The following PLXNA2 variants were observed in gnomAD, a reference collection of about 807,000 sequenced individuals.
The protein encoded by PLXNA2 is plexin-A2.
In PLXNA2, 91 loss-of-function variants were observed where a neutral mutation model predicts 193.5. That is an observed-to-expected ratio of 0.47 (90% CI 0.40 to 0.56). PLXNA2 has a LOEUF of 0.56. Among genes scored for constraint, PLXNA2 ranks in the 20% least tolerant of loss-of-function variants. PLXNA2 has a pLI of 0.00. For synonymous variants in PLXNA2, 997 were observed against 1,027.3 expected, an observed-to-expected ratio of 0.97 and a Z score of 0.56; for missense variants, 1,995 against 2,503.2, an observed-to-expected ratio of 0.80 and a Z score of 4.33.
rs532752015 is a variant in PLXNA2 at position 208,128,628 on chromosome 1, T to G, written c.1506+13701A>C. The stretch of plus-strand genomic sequence containing the variant: ...GAATGCCTCCTTTTCATAGATATTT[T>G]CCTTTGTTTCCTTTTTCCCCCTCCT... On this transcript the variant is annotated intron_variant, in intron 4 of 31. Coordinates refer to ENST00000367033, the MANE Select transcript of PLXNA2 (RefSeq NM_025179.4). 3.0e-3 allele frequency among the ~76,000 whole-genome samples: 453 copies of G among 152,102 alleles called. 4 individuals are homozygous for G. The highest frequency in any genetic ancestry group is 0.01 in the African/African-American group (433 of 41,482).
At chr1:208,231,320 T>G (rs927439750) in intron 1 of PLXNA2, among the ~76,000 whole-genome samples, 2 of 151,202 alleles carry the variant, frequency 1.3e-5, no homozygotes, top group African/African-American at 2.4e-5. Flanking sequence ...GGGAAAAGGG[T>G]AAACAGCCAG....
In PLXNA2 at chr1:208,042,257, C is replaced by A; in HGVS notation, c.4127G>T (p.Arg1376Leu). 1.2e-6 allele frequency: 2 copies of A among 1,614,200 alleles called. No homozygotes were observed. The highest frequency in any genetic ancestry group is 1.3e-5 in the African/African-American group (1 of 75,050). The change falls in exon 22 of 32, where the codon CGC (arginine) becomes CTC (leucine). Residue 1376 changes from arginine (R) to leucine (L), a missense_variant. Around this residue, in one of 3 missense-constraint regions of PLXNA2, gnomAD observed 1,291 missense variants for 1,673.6 expected, o/e 0.77. Transcript: ENST00000367033. ...GCCCCGGTCGCGCATGGAGAAACTGCGCTGCAGCTCCAGGGTGCGGATGAA... is the reference window on the plus strand; with the variant it reads ...GCCCCGGTCGCGCATGGAGAAACTGAGCTGCAGCTCCAGGGTGCGGATGAA... ...LTFIRTLELQ[R>L]SFSMRDRGNV...
chr1:208,180,347 GCCT>G (rs1357084195), intron 3 of PLXNA2, among the ~76,000 whole-genome samples: 1 of 152,110 alleles, frequency 6.6e-6, no homozygotes, highest in Non-Finnish European at 1.5e-5. Context: ...CCGGTAGGAG[GCCT>G]GAGTGGGCAC....
chr1:208,243,343 C>T (rs1672124069), intron 1 of PLXNA2, among the ~76,000 whole-genome samples: 1 of 152,088 alleles, frequency 6.6e-6, no homozygotes, highest in Admixed American at 6.5e-5. Flanking sequence ...GGTGGAGGCG[C>T]GCCGCGGAGC....
rs761529615 is a variant in PLXNA2, at chr1:208,051,248, C to T, written c.3161+8G>A. ...TTCCAGGTGCATCCCTCCCACCTTC[C>T]ACCTCACCTGGCAATGCTCCACTCT... On this transcript the variant is annotated splice_region_variant and intron_variant, in intron 16 of 31. Transcript: ENST00000367033. The T allele has an allele frequency of 4.9e-5, 79 of 1,602,650 alleles. No homozygotes were observed. In the Admixed American group the frequency reaches 1.3e-3, roughly 27 times the overall value.
At chr1:208,224,223 T>C (rs1194736515) in intron 1 of PLXNA2, among the ~76,000 whole-genome samples, 1 of 152,138 alleles carries the variant, frequency 6.6e-6, no homozygotes, top group Non-Finnish European at 1.5e-5. Flanking sequence ...GGTATTTAAA[T>C]AATTATTAGA....
intron 4 of PLXNA2, among the ~76,000 whole-genome samples, chr1:208,128,509 A>G (rs1668039698): frequency 9.5e-6 from 1 of 104,816 alleles, no homozygotes; most frequent in African/African-American, 3.7e-5. Context: ...ACCAAGGCTT[A>G]GAGAGGATAC....
At chr1:208,053,486 G>A (rs1558167062) in intron 14 of PLXNA2, among the ~76,000 whole-genome samples, 1 of 152,218 alleles carries the variant, frequency 6.6e-6, no homozygotes, top group African/African-American at 2.4e-5. Context: ...TGAGAGAGGA[G>A]AGTATAAGAA....
At chr1:208,032,369 C>A (rs1031617738) in intron 28 of PLXNA2, among the ~76,000 whole-genome samples, 2 of 152,176 alleles carry the variant, frequency 1.3e-5, no homozygotes, top group Non-Finnish European at 2.9e-5. Context: ...AGGCTCATGG[C>A]ACACCTCTGA....
intron 4 of PLXNA2, among the ~76,000 whole-genome samples, chr1:208,118,656 G>C (rs1286685938): frequency 6.6e-6 from 1 of 152,134 alleles, no homozygotes; most frequent in Non-Finnish European, 1.5e-5. Context: ...CTCCCTGAAT[G>C]GCTGCCTCAA....
Position 208,043,055 on chromosome 1 carries a change from C to G in PLXNA2, c.4017+6G>C. On this transcript the variant is annotated splice_donor_region_variant and intron_variant, in intron 21 of 31. Transcript: ENST00000367033. ...TGGGTGGCTGGGCCCAGGAGGCAGGCATTACCTCCAGCTCCCGCAGGACGG... is the reference window on the plus strand; with the variant it reads ...TGGGTGGCTGGGCCCAGGAGGCAGGGATTACCTCCAGCTCCCGCAGGACGG... The G allele has an allele frequency of 6.2e-7, 1 of 1,613,040 alleles. No homozygotes were observed. Among genetic ancestry groups the G allele is most frequent in the African/African-American group, 1.3e-5 (1 of 75,028 alleles).
At chr1:208,047,058 T>C (rs2102327872) in intron 17 of PLXNA2, among the ~76,000 whole-genome samples, 1 of 152,286 alleles carries the variant, frequency 6.6e-6, no homozygotes, top group South Asian at 2.1e-4. Flanking sequence ...CCTCCCGGGT[T>C]CCAGTGATTC....
chr1:208,046,389 G>C (rs1665066369), intron 17 of PLXNA2, among the ~76,000 whole-genome samples: 2 of 152,174 alleles, frequency 1.3e-5, no homozygotes, highest in African/African-American at 4.8e-5. Flanking sequence ...TGGGGCTATA[G>C]AGCGGCAGAC....
chr1:208,116,276 A>G (rs1261174366), intron 4 of PLXNA2, among the ~76,000 whole-genome samples: 6 of 151,746 alleles, frequency 4.0e-5, no homozygotes, highest in Admixed American at 1.3e-4. Flanking sequence ...CACTTTTTAT[A>G]CTCTTCTTAG....
In PLXNA2 at chr1:208,218,013, C is replaced by A; in HGVS notation, c.-80-11G>T. Reference sequence around the variant, plus strand: ...GGCCCTCACATGATTCTGCAAAACACAAGGCAGAGTGGTCAGACCAAAAAT... The same window carrying A: ...GGCCCTCACATGATTCTGCAAAACAAAAGGCAGAGTGGTCAGACCAAAAAT... On this transcript the variant is annotated splice_polypyrimidine_tract_variant and intron_variant, in intron 1 of 31. Transcript: ENST00000367033. The A allele has an allele frequency of 3.2e-6, 5 of 1,548,984 alleles. No homozygotes were observed. Among genetic ancestry groups the A allele is most frequent in the Non-Finnish European group, 3.5e-6 (4 of 1,153,778 alleles).
rs1231193145 is a variant in PLXNA2 at position 208,033,429 on chromosome 1, C to A, written c.4945G>T (p.Val1649Phe). ...TTCTTCACCAGATGCCACACCTTGA[C>A]CCCACTTTCCAGGTCTGGGGTGATC... ...PMITPDLESG[V>F]KVWHLVKNHD... The change falls in exon 28 of 32, where the codon GTC becomes TTC. Residue 1649 changes from valine (V) to phenylalanine (F), a missense_variant. Physicochemically the swap from Val to Phe is conservative, Grantham distance 50. Around this residue, in one of 3 missense-constraint regions of PLXNA2, gnomAD observed 1,291 missense variants for 1,673.6 expected, o/e 0.77. Transcript: ENST00000367033. The A allele has an allele frequency of 6.2e-7, 1 of 1,614,170 alleles. No homozygotes were observed. Among genetic ancestry groups the A allele is most frequent in the Non-Finnish European group, 8.5e-7 (1 of 1,180,032 alleles).
chr1:208,154,696 C>G (rs1035671933), intron 3 of PLXNA2, among the ~76,000 whole-genome samples: 12 of 152,210 alleles, frequency 7.9e-5, no homozygotes, highest in African/African-American at 2.9e-4. Context: ...GATTTCCTTT[C>G]TAGATCTTCC....
intron 3 of PLXNA2, among the ~76,000 whole-genome samples, chr1:208,169,961 A>G (rs2102528789): frequency 6.6e-6 from 1 of 152,314 alleles, no homozygotes; most frequent in East Asian, 1.9e-4. Context: ...GTCACTGACA[A>G]CCACAGACAC....
At chr1:208,052,540 G>C in intron 14 of PLXNA2, 77 bp from the exon 15 acceptor site, 2 of 1,443,302 alleles carry the variant, frequency 1.4e-6, no homozygotes, top group Non-Finnish European at 1.9e-6. Context: ...TCTAAGGATG[G>C]GAGAGATTGT....
Sources: gnomAD v4.1 joint callset for allele counts (sites outside exome capture counted in the v4.1 genomes callset) on GRCh38, gnomAD v4.1.1 for gene constraint, gnomAD v4.1.1 regional missense constraint, MANE v1.5 for transcripts, NCBI Gene and HGNC (gene_info 2026-07-23, HGNC 2026-07-21) for gene names.